The following IRAG2 variants were observed in gnomAD, a reference collection of about 807,000 sequenced individuals.
IRAG2 encodes the protein lymphoid restricted membrane protein.
In IRAG2, 45 loss-of-function variants were observed where a neutral mutation model predicts 69.9. The observed-to-expected ratio is 0.64, with a 90% CI of 0.51 to 0.83. IRAG2 has a LOEUF of 0.83. IRAG2 is among the 40% of genes least tolerant of loss of function. IRAG2 has a pLI of 0.00. For synonymous variants in IRAG2, 193 were observed against 202.4 expected, an observed-to-expected ratio of 0.95 and a Z score of 0.40; for missense variants, 520 against 587.0, an observed-to-expected ratio of 0.89 and a Z score of 1.18.
intron 14 of IRAG2, chr12:25,093,399 G>C (rs1948202902): frequency 6.5e-6 from 1 of 153,222 alleles, no homozygotes; most frequent in South Asian, 2.1e-4. Flanking sequence ...CTCTGAAAGG[G>C]CTGAAGATGC....
rs1319904910 is a variant in IRAG2, at chr12:25,028,583, G to T, written c.1462-1695G>T. ...ACCTTACAAAAATATTTTTTGTCTA[G>T]ATAGTGTCTAAAAAGTCTATATTTC... On this transcript the variant is annotated intron_variant, in intron 9 of 38. Transcript: ENST00000636465. Among the ~76,000 whole-genome samples the T allele has an allele frequency of 4.6e-5, 7 of 151,906 alleles. 1 individual carries two copies. The highest frequency in any genetic ancestry group is 4.6e-4 in the Admixed American group (7 of 15,244).
chr12:25,039,869 G>C (rs1944733750), intron 16 of IRAG2, among the ~76,000 whole-genome samples: 1 of 152,186 alleles, frequency 6.6e-6, no homozygotes, highest in Non-Finnish European at 1.5e-5. Flanking sequence ...CATTTGTCTA[G>C]AGGCTACTGT....
intron 16 of IRAG2, among the ~76,000 whole-genome samples, chr12:25,038,878 G>C (rs957627150): frequency 6.6e-6 from 1 of 152,156 alleles, no homozygotes; most frequent in African/African-American, 2.4e-5. Context: ...TCCCCACTGG[G>C]TTTTATGTTT....
chr12:25,039,712 G>A (rs1944732209), intron 16 of IRAG2, among the ~76,000 whole-genome samples: 1 of 152,306 alleles, frequency 6.6e-6, no homozygotes, highest in Non-Finnish European at 1.5e-5. Context: ...TTACAGGCGT[G>A]AGCCACCACA....
chr12:25,055,892 A>G (rs1417939669), intron 1 of IRAG2, among the ~76,000 whole-genome samples: 1 of 152,122 alleles, frequency 6.6e-6, no homozygotes, highest in Non-Finnish European at 1.5e-5. Flanking sequence ...CAAAACTATC[A>G]CCCCCTTACT....
intron 6 of IRAG2, among the ~76,000 whole-genome samples, chr12:25,020,484 TTAG>T (rs1944569280): frequency 6.6e-6 from 1 of 152,004 alleles, no homozygotes; most frequent in Non-Finnish European, 1.5e-5. Flanking sequence ...TTACATCTTC[TTAG>T]TAGGGGGAAA....
intron 14 of IRAG2, among the ~76,000 whole-genome samples, chr12:25,096,423 G>A (rs1230418221): frequency 1.3e-5 from 2 of 152,184 alleles, no homozygotes; most frequent in African/African-American, 4.8e-5. Flanking sequence ...ATCATATTGT[G>A]TAAAGGGCAC....
intron 6 of IRAG2, among the ~76,000 whole-genome samples, chr12:25,017,573 C>T (rs1944540958): frequency 6.6e-6 from 1 of 152,076 alleles, no homozygotes; most frequent in South Asian, 2.1e-4. Flanking sequence ...CAAACATTAG[C>T]TGGGCATGGT....
At chr12:25,021,106 T>C (rs12827374) in intron 7 of IRAG2, 3 of 287,220 alleles carry the variant, frequency 1.0e-5, no homozygotes, top group Non-Finnish European at 1.9e-5. Flanking sequence ...TTTTTTTTTC[T>C]TTTTTTCTTT....
intron 6 of IRAG2, among the ~76,000 whole-genome samples, chr12:25,070,003 C>T (rs1946233165): frequency 6.6e-6 from 1 of 152,166 alleles, no homozygotes; most frequent in Admixed American, 6.5e-5. Flanking sequence ...GGAATGCCTT[C>T]CACAGTCTGC....
chr12:25,088,016 C>A, intron 10 of IRAG2, 84 bp from the exon 11 acceptor site: 1 of 997,392 alleles, frequency 1.0e-6, no homozygotes, highest in Non-Finnish European at 1.6e-6. Flanking sequence ...TCAGAGTAGG[C>A]TTAGGAGAGG....
intron 7 of IRAG2, chr12:25,021,155 A>G (rs1591927471): frequency 4.9e-6 from 1 of 202,622 alleles, no homozygotes; most frequent in Non-Finnish European, 9.1e-6. Context: ...CCCAGGCTGG[A>G]GTGCAGTGGC....
rs1426945632 is a variant in IRAG2 at position 25,032,080 on chromosome 12, A to AAT, written c.1519-55_1519-54dup. ...TTTCTGTGGCTCACATTAATAGTCT[A>AAT]ATATATATGATTTGGTGGACCCATT... is the stretch of plus-strand genomic sequence containing the variant. On this transcript the variant is annotated intron_variant, in intron 10 of 38. Coordinates refer to the IRAG2 transcript ENST00000636465. The AAT allele has an allele frequency of 6.7e-4, 268 of 398,226 alleles. 2 individuals are homozygous for AAT. The East Asian group carries it at 9.5e-3, about 14-fold the overall frequency. The allele number at this position is 398,226 out of a possible 1,614,324, so 24.7% of individuals were successfully genotyped here.
chr12:25,002,858 T>C (rs1476064530), upstream of IRAG2, among the ~76,000 whole-genome samples: 1 of 152,130 alleles, frequency 6.6e-6, no homozygotes, highest in Non-Finnish European at 1.5e-5. Flanking sequence ...GCCAAGCTGG[T>C]CTGGAACTCC....
At position 25,087,262 on chromosome 12, in the gene IRAG2, A is replaced by T. The variant is rs956134501; in HGVS notation, c.316-838A>T. Among the ~76,000 whole-genome samples the T allele has an allele frequency of 3.8e-5, 5 of 132,236 alleles. No homozygotes were observed. The Admixed American group carries it at 3.8e-4, about 10-fold the overall frequency. 86.8% of individuals were successfully genotyped at this position (132,236 alleles called of 152,430 possible). A position where few individuals can be genotyped will look rare whatever the true frequency, so the allele number is the denominator to read the frequency against. ...GGTTCACTGCAACCTCTGCCTCCCC[A>T]GTTCAAGTGATTCTCCTGCCTCAGC... On this transcript the variant is annotated intron_variant, in intron 10 of 21. Transcript: ENST00000556887.
rs1350225799 is a variant in IRAG2 at position 25,079,723 on chromosome 12, G to A, written c.204G>A (p.Glu68=). The part of the protein sequence containing the change: ...DLDRNSLCKK[E]EDTRSASPTI... ...ACAGAAACTCGCTCTGTAAGAAAGA[G>A]GAGGATACAAGATCAGCTTCTCCCA... The change falls in exon 9 of 22, where the codon GAG becomes GAA. Residue 68 remains glutamate, a synonymous_variant. Transcript: ENST00000556887. 1 of 1,613,868 alleles carries A rather than the reference G, an allele frequency of 6.2e-7. No individual in the cohort carries two copies. The highest frequency in any genetic ancestry group is 8.5e-7 in the Non-Finnish European group (1 of 1,179,922).
At chr12:25,035,108 T>G (rs576070654) in intron 13 of IRAG2, among the ~76,000 whole-genome samples, 12 of 152,330 alleles carry the variant, frequency 7.9e-5, no homozygotes, top group African/African-American at 2.6e-4. Flanking sequence ...ACTGATGAGT[T>G]GGGAAGTTTG....
At chr12:25,102,434 T>C (rs1948810953) in intron 17 of IRAG2, 193 bp downstream of exon 17, 2 of 571,206 alleles carry the variant, frequency 3.5e-6, no homozygotes, top group Non-Finnish European at 6.2e-6. Flanking sequence ...CCTGGCAGCA[T>C]GAAGAAAGTC....
intron 1 of IRAG2, among the ~76,000 whole-genome samples, chr12:25,053,307 A>G (rs1944975746): frequency 6.6e-6 from 1 of 151,450 alleles, no homozygotes; most frequent in Admixed American, 6.6e-5. Flanking sequence ...GTTATATATT[A>G]TACTCTGATT....
Sources: allele counts gnomAD v4.1 joint callset (sites outside exome capture counted in the v4.1 genomes callset), GRCh38; gene constraint gnomAD v4.1.1; transcripts MANE v1.5; gene names NCBI Gene and HGNC (gene_info 2026-07-23, HGNC 2026-07-21).